MCUB: variants seen among roughly 807,000 people sequenced by gnomAD.
MCUB encodes the protein mitochondrial calcium uniporter dominant negative subunit beta.
In MCUB, 46 loss-of-function variants were observed where a neutral mutation model predicts 41.4. The observed-to-expected ratio is 1.11, with a 90% CI of 0.88 to 1.42. The LOEUF (loss-of-function observed/expected upper bound fraction) is 1.42, where lower values mean the gene tolerates loss of function less well. Ranked by LOEUF, MCUB falls within the 40% of genes most tolerant of loss-of-function variation. MCUB has a pLI of 0.00. For synonymous variants in MCUB, 148 were observed against 148.2 expected, an observed-to-expected ratio of 1.00 and a Z score of 0.01; for missense variants, 403 against 404.9, an observed-to-expected ratio of 1.00 and a Z score of 0.04.
intron 1 of MCUB, among the ~76,000 whole-genome samples, chr4:109,633,582 T>A (rs1728524320): frequency 6.6e-6 from 1 of 152,228 alleles, no homozygotes; most frequent in South Asian, 2.1e-4. Context: ...AATTAATTTT[T>A]AAATGAAACT....
chr4:109,588,835 C>T (rs1032731782), intron 1 of MCUB, among the ~76,000 whole-genome samples: 1 of 152,036 alleles, frequency 6.6e-6, no homozygotes, highest in South Asian at 2.1e-4. Flanking sequence ...GTTTTCAGTT[C>T]TAGTAAATCC....
rs116726939 is a variant in MCUB at position 109,568,423 on chromosome 4, G to T, written c.99+7987G>T. ...ATCTCTTCCGTATCCCCGCTCTAGCGTGGCTGAGCTAATTCCTCTTCTTCT... is the reference window on the plus strand; with the variant it reads ...ATCTCTTCCGTATCCCCGCTCTAGCTTGGCTGAGCTAATTCCTCTTCTTCT... On this transcript the variant is annotated intron_variant, in intron 1 of 7. Transcript: ENST00000394650. Among the ~76,000 whole-genome samples the T allele has an allele frequency of 4.6e-5, 7 of 152,156 alleles. No individual in the cohort carries two copies. The East Asian group carries it at 1.4e-3, about 29-fold the overall frequency.
chr4:109,622,615 A>T (rs1728271308), intron 1 of MCUB, among the ~76,000 whole-genome samples: 1 of 152,238 alleles, frequency 6.6e-6, no homozygotes. Flanking sequence ...CCAATAATGT[A>T]GATTGTAATT....
chr4:109,660,217 T>A lies in MCUB; in HGVS notation c.198T>A (p.His66Gln), dbSNP rs748430752. ...CAGAAATAACAGTTATTTATAGACA[T>A]GGCCTTCCCTTGGTAACACTTACCT... ...PPDEITVIYR[H>Q]GLPLVTLTLP... The change falls in exon 3 of 8, where the codon CAT (histidine) becomes CAA (glutamine). Residue 66 changes from histidine to glutamine, a missense_variant. His to Gln is a conservative substitution (Grantham distance 24, BLOSUM62 0). Transcript: ENST00000394650. The A allele has an allele frequency of 6.4e-7, 1 of 1,574,526 alleles. No homozygotes were observed.
At chr4:109,656,301 G>T (rs1258695480) in intron 1 of MCUB, among the ~76,000 whole-genome samples, 2 of 147,000 alleles carry the variant, frequency 1.4e-5, no homozygotes, top group South Asian at 2.1e-4. Context: ...CCTCTGGGGA[G>T]ACTTCCAGGA....
At chr4:109,609,644 G>A (rs997784774) in intron 1 of MCUB, among the ~76,000 whole-genome samples, 1 of 152,092 alleles carries the variant, frequency 6.6e-6, no homozygotes, top group Non-Finnish European at 1.5e-5. Flanking sequence ...TATTTAAGAT[G>A]GAGCTGCTCT....
At chr4:109,666,285 C>T (rs1041176705) in intron 4 of MCUB, among the ~76,000 whole-genome samples, 10 of 152,094 alleles carry the variant, frequency 6.6e-5, no homozygotes, top group Admixed American at 2.6e-4. Context: ...TTTGTTTGCA[C>T]GTAGATTTTC....
At chr4:109,618,431 C>T (rs1728176283) in intron 1 of MCUB, among the ~76,000 whole-genome samples, 1 of 152,206 alleles carries the variant, frequency 6.6e-6, no homozygotes, top group South Asian at 2.1e-4. Flanking sequence ...CTTCCTGTAT[C>T]ATGCCTCCCA....
intron 1 of MCUB, among the ~76,000 whole-genome samples, chr4:109,636,613 TCA>T (rs749708513): frequency 6.6e-6 from 1 of 152,168 alleles, no homozygotes; most frequent in Non-Finnish European, 1.5e-5. Context: ...GGCGGGCAGA[TCA>T]CCTGAGGTCA....
intron 1 of MCUB, among the ~76,000 whole-genome samples, chr4:109,572,333 A>G (rs1307751841): frequency 1.3e-5 from 2 of 152,256 alleles, no homozygotes; most frequent in African/African-American, 4.8e-5. Flanking sequence ...GAAAATAAAT[A>G]TAGCTGAGAA....
At chr4:109,660,683 G>C (rs1376113191) in intron 3 of MCUB, among the ~76,000 whole-genome samples, 1 of 151,996 alleles carries the variant, frequency 6.6e-6, no homozygotes, top group Non-Finnish European at 1.5e-5. Context: ...ACCCGTGGTG[G>C]TACATACCTG....
intron 1 of MCUB, among the ~76,000 whole-genome samples, chr4:109,562,082 G>T (rs1404109375): frequency 6.6e-6 from 1 of 152,052 alleles, no homozygotes; most frequent in Non-Finnish European, 1.5e-5. Context: ...CATTTAACAC[G>T]TTGAGTAGCA....
Position 109,564,442 on chromosome 4 carries a change from A to G in MCUB, c.99+4006A>G, listed in dbSNP as rs17040525. Reference sequence around the variant, plus strand: ...CATGAGACACTGCGCCCGGCTGGCTATATGCATTTCAAGTCTAGCCCCATA... The same window carrying G: ...CATGAGACACTGCGCCCGGCTGGCTGTATGCATTTCAAGTCTAGCCCCATA... On this transcript the variant is annotated intron_variant, in intron 1 of 7. Coordinates refer to ENST00000394650, the MANE Select transcript of MCUB (RefSeq NM_017918.5). 6.9e-3 allele frequency among the ~76,000 whole-genome samples: 1,043 copies of G among 152,244 alleles called. 10 individuals carry two copies. The highest frequency in any genetic ancestry group is 0.021 in the African/African-American group (858 of 41,556).
chr4:109,637,772 G>A (rs1353916451), intron 1 of MCUB, among the ~76,000 whole-genome samples: 1 of 152,104 alleles, frequency 6.6e-6, no homozygotes, highest in African/African-American at 2.4e-5. Flanking sequence ...GGGGGTGAGG[G>A]AATATACTAC....
chr4:109,576,158 A>G (rs1438344118), intron 1 of MCUB, among the ~76,000 whole-genome samples: 1 of 152,226 alleles, frequency 6.6e-6, no homozygotes, highest in Non-Finnish European at 1.5e-5. Context: ...GGAGGAGACG[A>G]AATACGGATC....
At chr4:109,623,767 G>T (rs745554663) in intron 1 of MCUB, among the ~76,000 whole-genome samples, 4 of 152,206 alleles carry the variant, frequency 2.6e-5, no homozygotes, top group Non-Finnish European at 4.4e-5. Context: ...GAGGACCTCA[G>T]CATTGTTCGA....
At chr4:109,591,641 T>A (rs1210283312) in intron 1 of MCUB, among the ~76,000 whole-genome samples, 1 of 152,204 alleles carries the variant, frequency 6.6e-6, no homozygotes, top group African/African-American at 2.4e-5. Context: ...ATTGACTACA[T>A]CAATAACTAG....
At chr4:109,620,697 A>G (rs1312356143) in intron 1 of MCUB, among the ~76,000 whole-genome samples, 1 of 151,944 alleles carries the variant, frequency 6.6e-6, no homozygotes, top group African/African-American at 2.4e-5. Flanking sequence ...CTGGCAGTTG[A>G]TTAAAAGTAA....
chr4:109,649,813 A>G (rs1728920098), intron 1 of MCUB, among the ~76,000 whole-genome samples: 1 of 152,034 alleles, frequency 6.6e-6, no homozygotes, highest in African/African-American at 2.4e-5. Flanking sequence ...GGCTCAAATA[A>G]TCTTCCTGCC....
Sources: gnomAD v4.1 joint callset for allele counts (sites outside exome capture counted in the v4.1 genomes callset) on GRCh38, gnomAD v4.1.1 for gene constraint, MANE v1.5 for transcripts, NCBI Gene and HGNC (gene_info 2026-07-23, HGNC 2026-07-21) for gene names.